The following FHOD3 variants were observed in gnomAD, a reference collection of about 807,000 sequenced individuals.
FHOD3 encodes FH1/FH2 domain-containing protein 3.
A neutral mutation model predicts 173.0 loss-of-function variants in FHOD3; 90 were observed. That is an observed-to-expected ratio of 0.52 (90% CI 0.44 to 0.62). FHOD3 has a LOEUF of 0.62. Among genes scored for constraint, FHOD3 ranks in the 20% least tolerant of loss-of-function variants. FHOD3 has a pLI of 0.00. For missense variants in FHOD3, 1,945 were observed against 2,034.7 expected (o/e 0.96, Z 0.85); for synonymous variants, 828 against 823.0 (o/e 1.01, Z -0.10).
At chr18:36,674,406 G>T (rs1458307366) in intron 14 of FHOD3, among the ~76,000 whole-genome samples, 4 of 152,120 alleles carry the variant, frequency 2.6e-5, no homozygotes, top group Admixed American at 6.6e-5. Context: ...GAGAGACAGG[G>T]TCTTGCTCTG....
At chr18:36,721,335 G>A (rs1363824724) in intron 19 of FHOD3, among the ~76,000 whole-genome samples, 1 of 152,146 alleles carries the variant, frequency 6.6e-6, no homozygotes, top group African/African-American at 2.4e-5. Flanking sequence ...TGCAAGTTAG[G>A]ATTAAAACAC....
At chr18:36,694,216 G>A (rs1163164577) in intron 17 of FHOD3, among the ~76,000 whole-genome samples, 1 of 152,238 alleles carries the variant, frequency 6.6e-6, no homozygotes, top group Non-Finnish European at 1.5e-5. Flanking sequence ...GCCTGATGTA[G>A]ACTTAGCCAA....
chr18:36,311,618 A>G (rs562820492), intron 1 of FHOD3, among the ~76,000 whole-genome samples: 168 of 152,200 alleles, frequency 1.1e-3, no homozygotes, highest in African/African-American at 4.0e-3. Flanking sequence ...CTTTCCCAGC[A>G]TTGTAGTCCC....
rs200423151 is a variant in FHOD3, at chr18:36,760,745, C to T, written c.4587C>T (p.Pro1529=). 14 of 1,612,412 alleles carry T rather than the reference C, an allele frequency of 8.7e-6. No individual in the cohort carries two copies. The highest frequency in any genetic ancestry group is 8.0e-5 in the African/African-American group (6 of 75,046). ...CCCCCTCCGTGGAGGACGCCACCCC[C>T]GCGCTGGGCGTCCGCACACGCAGCC... ...TSSPSVEDAT[P]ALGVRTRSRA... is the part of the protein sequence containing the mutation. Residue 1529 remains proline, a synonymous_variant, in exon 27 of 29, where the codon CCC becomes CCT. Transcript: ENST00000590592.
intron 7 of FHOD3, among the ~76,000 whole-genome samples, chr18:36,596,263 T>TCCTGCC (rs1329857429): frequency 6.7e-6 from 1 of 148,288 alleles, no homozygotes; most frequent in Non-Finnish European, 1.5e-5. Flanking sequence ...CACGCCATTC[T>TCCTGCC]CCTGCCTCAG....
intron 3 of FHOD3, among the ~76,000 whole-genome samples, chr18:36,379,293 G>A (rs1325871547): frequency 1.3e-5 from 2 of 152,198 alleles, no homozygotes; most frequent in Admixed American, 1.3e-4. Flanking sequence ...GGAACAATGT[G>A]AATTGAATCA....
chr18:36,592,336 C>T (rs534083151), intron 6 of FHOD3, among the ~76,000 whole-genome samples: 1 of 152,342 alleles, frequency 6.6e-6, no homozygotes, highest in South Asian at 2.1e-4. Context: ...TGAGGTCAGT[C>T]CTGTGATGAC....
chr18:36,730,804 G>A lies in FHOD3; in HGVS notation c.3576G>A (p.Glu1192=). 1.9e-6 allele frequency: 3 copies of A among 1,613,392 alleles called. No homozygotes were observed. Among genetic ancestry groups the A allele is most frequent in the Non-Finnish European group, 2.5e-6 (3 of 1,179,792 alleles). ...DEYALNKEGI[E]KILTMIPTDE... ...ATGCCTTAAACAAAGAAGGAATCGA[G>A]GTGAGGGAAGCTCTATTAAGCATTA... Residue 1192 remains glutamate, a splice_region_variant and synonymous_variant, in exon 20 of 29, where the codon GAG becomes GAA. Transcript: ENST00000590592.
chr18:36,578,173 A>G (rs1281655118), intron 6 of FHOD3, among the ~76,000 whole-genome samples: 7 of 152,180 alleles, frequency 4.6e-5, no homozygotes, highest in Non-Finnish European at 2.9e-5. Flanking sequence ...TAATAAAGAC[A>G]TACCTGAGAC....
intron 10 of FHOD3, among the ~76,000 whole-genome samples, chr18:36,640,662 A>C (rs1310744421): frequency 2.6e-5 from 4 of 152,142 alleles, no homozygotes; most frequent in Non-Finnish European, 5.9e-5. Flanking sequence ...CGGCTTTTTG[A>C]CTAGTTGCCA....
chr18:36,565,024 C>G (rs941281388), intron 5 of FHOD3, among the ~76,000 whole-genome samples: 4 of 152,104 alleles, frequency 2.6e-5, no homozygotes, highest in African/African-American at 9.7e-5. Flanking sequence ...AATTTTCATG[C>G]TGTAATAGGT....
chr18:36,408,818 C>G (rs2049198580), intron 3 of FHOD3, among the ~76,000 whole-genome samples: 1 of 152,280 alleles, frequency 6.6e-6, no homozygotes, highest in South Asian at 2.1e-4. Context: ...GGTGGATCAC[C>G]TCCCAGGAGC....
At chr18:36,509,494 C>T (rs1362466981) in intron 4 of FHOD3, among the ~76,000 whole-genome samples, 1 of 150,568 alleles carries the variant, frequency 6.6e-6, no homozygotes, top group African/African-American at 2.5e-5. Context: ...TGGTCACTGA[C>T]CAGACATTTG....
intron 3 of FHOD3, among the ~76,000 whole-genome samples, chr18:36,444,839 C>T (rs970414952): frequency 2.0e-5 from 3 of 152,272 alleles, no homozygotes; most frequent in Non-Finnish European, 2.9e-5. Context: ...TTCAACAACT[C>T]TCCTATGTAA....
intron 8 of FHOD3, 58 bp from the exon 9 acceptor site, chr18:36,611,894 G>T: frequency 6.5e-7 from 1 of 1,539,394 alleles, no homozygotes; most frequent in South Asian, 1.3e-5. Flanking sequence ...AAAATGCCCT[G>T]AGAGCCTCAA....
At chr18:36,625,838 G>T in intron 10 of FHOD3, 89 bp downstream of exon 10, 1 of 1,158,444 alleles carries the variant, frequency 8.6e-7, no homozygotes. Flanking sequence ...CTCCCTGCTG[G>T]CCACTTTGTC....
intron 1 of FHOD3, among the ~76,000 whole-genome samples, chr18:36,354,158 C>T (rs957919233): frequency 6.6e-6 from 1 of 152,186 alleles, no homozygotes; most frequent in Non-Finnish European, 1.5e-5. Flanking sequence ...CCAGAACACT[C>T]AGTTGATACA....
rs185988668 is a variant in FHOD3, at chr18:36,675,307, C to T, written c.1836-6129C>T. On this transcript the variant is annotated intron_variant, in intron 14 of 28. Transcript: ENST00000590592. Reference sequence around the variant, plus strand: ...CGTGGTCTCCTCTGTTCCTTTGCTTCCTGCTGCCACCCCCTTTCTCTCTTC... The same window carrying T: ...CGTGGTCTCCTCTGTTCCTTTGCTTTCTGCTGCCACCCCCTTTCTCTCTTC... Among the ~76,000 whole-genome samples, 3 of 152,270 alleles carry T rather than the reference C, an allele frequency of 2.0e-5. No homozygotes were observed. In the East Asian group the frequency reaches 5.8e-4, roughly 29 times the overall value.
chr18:36,463,549 A>G (rs2052715930), intron 3 of FHOD3, among the ~76,000 whole-genome samples: 2 of 123,790 alleles, frequency 1.6e-5, no homozygotes, highest in South Asian at 5.5e-4. Context: ...CCCAGGCTGG[A>G]GTGCAGTGGT....
Sources: gnomAD v4.1 joint callset for allele counts (sites outside exome capture counted in the v4.1 genomes callset) on GRCh38, gnomAD v4.1.1 for gene constraint, MANE v1.5 for transcripts, NCBI Gene and HGNC (gene_info 2026-07-23, HGNC 2026-07-21) for gene names.